The following CDH13 variants were observed in gnomAD, a reference collection of about 807,000 sequenced individuals.
The protein encoded by CDH13 is cadherin 13.
CDH13 carries 24 observed loss-of-function variants against 63.8 expected under a neutral mutation model. The observed-to-expected ratio is 0.38, with a 90% CI of 0.27 to 0.53. CDH13 has a LOEUF of 0.53. Ranked by LOEUF, CDH13 falls within the 20% of genes least tolerant of loss-of-function variation. CDH13 has a pLI of 0.85. For synonymous variants in CDH13, 503 were observed against 355.3 expected, an observed-to-expected ratio of 1.42 and a Z score of -4.67; for missense variants, 1,049 against 903.1, an observed-to-expected ratio of 1.16 and a Z score of -2.07.
chr16:82,948,661 C>G (rs565508177), intron 2 of CDH13, among the ~76,000 whole-genome samples: 3 of 152,174 alleles, frequency 2.0e-5, no homozygotes, highest in South Asian at 2.1e-4. Flanking sequence ...AATGCAAACT[C>G]TGCTACTAGT....
At chr16:83,400,864 C>A (rs547975405) in intron 6 of CDH13, among the ~76,000 whole-genome samples, 1 of 152,222 alleles carries the variant, frequency 6.6e-6, no homozygotes, top group East Asian at 1.9e-4. Context: ...AAAATTCGGT[C>A]CTGTAAGCCA....
At chr16:83,005,434 C>T (rs1025113312) in intron 2 of CDH13, among the ~76,000 whole-genome samples, 7 of 152,162 alleles carry the variant, frequency 4.6e-5, no homozygotes, top group East Asian at 1.9e-4. Context: ...GCTGCAGGCA[C>T]GGTACTTCCA....
At chr16:83,531,903 C>G (rs770980779) in intron 7 of CDH13, among the ~76,000 whole-genome samples, 1 of 152,130 alleles carries the variant, frequency 6.6e-6, no homozygotes, top group Non-Finnish European at 1.5e-5. Flanking sequence ...TCACAAGAAG[C>G]TCTGATATGG....
intron 3 of CDH13, among the ~76,000 whole-genome samples, chr16:83,041,654 T>C (rs1315487119): frequency 6.6e-6 from 1 of 152,106 alleles, no homozygotes; most frequent in Non-Finnish European, 1.5e-5. Context: ...ACACATACAT[T>C]CATGGGGATA....
At chr16:82,728,093 T>G (rs1567472222) in intron 1 of CDH13, among the ~76,000 whole-genome samples, 1 of 152,152 alleles carries the variant, frequency 6.6e-6, no homozygotes, top group African/African-American at 2.4e-5. Context: ...AATACCTTAT[T>G]TATAGGGCTG....
intron 5 of CDH13, among the ~76,000 whole-genome samples, chr16:83,343,716 T>C (rs1235366554): frequency 6.6e-6 from 1 of 152,214 alleles, no homozygotes; most frequent in Non-Finnish European, 1.5e-5. Flanking sequence ...ACATATTATA[T>C]GATAGACCAT....
Position 83,104,624 on chromosome 16 carries a change from C to T in CDH13, c.367-20761C>T, listed in dbSNP as rs532414550. The stretch of plus-strand genomic sequence containing the variant: ...AAAGAAGAAATGTACCAGGCGGTGG[C>T]GGGGGTGGGCGGGGGAAATAGTGTA... On this transcript the variant is annotated intron_variant, in intron 3 of 13. Coordinates refer to ENST00000567109, the MANE Select transcript of CDH13 (RefSeq NM_001257.5). Among the ~76,000 whole-genome samples the T allele has an allele frequency of 2.2e-3, 162 of 74,352 alleles. 1 individual carries two copies. The South Asian group carries it at 0.022, about 10-fold the overall frequency. 48.8% of individuals were successfully genotyped at this position (74,352 alleles called of 152,430 possible).
intron 5 of CDH13, among the ~76,000 whole-genome samples, chr16:83,340,031 A>C (rs998627874): frequency 6.6e-6 from 1 of 152,100 alleles, no homozygotes; most frequent in Admixed American, 6.6e-5. Flanking sequence ...ACTCATCACC[A>C]TTCTCTGTGA....
chr16:83,520,821 G>A (rs1033647427), intron 7 of CDH13, among the ~76,000 whole-genome samples: 1 of 152,096 alleles, frequency 6.6e-6, no homozygotes, highest in East Asian at 1.9e-4. Flanking sequence ...CCAGGGACAG[G>A]CACAGGATCC....
chr16:82,874,333 G>T (rs1467541135), intron 2 of CDH13, among the ~76,000 whole-genome samples: 3 of 152,060 alleles, frequency 2.0e-5, no homozygotes, highest in Admixed American at 6.5e-5. Flanking sequence ...AAGATGTTGA[G>T]TTGGCGTCTT....
chr16:82,990,178 C>A (rs1361417984), intron 2 of CDH13: 1 of 152,186 alleles, frequency 6.6e-6, no homozygotes, highest in East Asian at 1.9e-4. Flanking sequence ...AGAGAGCCAA[C>A]TGCCAATCAT....
chr16:82,993,082 C>T (rs752522749), intron 2 of CDH13, among the ~76,000 whole-genome samples: 49 of 152,306 alleles, frequency 3.2e-4, no homozygotes, highest in East Asian at 1.9e-4. Flanking sequence ...GCCCTATCTT[C>T]TGATTCCACC....
intron 6 of CDH13, among the ~76,000 whole-genome samples, chr16:83,350,495 T>C (rs985893903): frequency 3.3e-5 from 5 of 152,322 alleles, no homozygotes; most frequent in African/African-American, 1.2e-4. Context: ...TACGTCCTCA[T>C]TGTCTAACTT....
At chr16:83,134,846 C>T (rs1346872991) in intron 4 of CDH13, among the ~76,000 whole-genome samples, 4 of 152,178 alleles carry the variant, frequency 2.6e-5, no homozygotes, top group South Asian at 4.1e-4. Flanking sequence ...CAAAACTTCC[C>T]TCCATGATCT....
At chr16:83,360,025 C>T (rs1364647173) in intron 6 of CDH13, among the ~76,000 whole-genome samples, 1 of 152,202 alleles carries the variant, frequency 6.6e-6, no homozygotes, top group African/African-American at 2.4e-5. Context: ...AGAGAGAGTA[C>T]ATAGTACGTG....
chr16:82,953,845 A>T (rs1905650184), intron 2 of CDH13: 1 of 152,216 alleles, frequency 6.6e-6, no homozygotes, highest in Admixed American at 6.5e-5. Flanking sequence ...TAGTAATAAC[A>T]ACGACAATAA....
chr16:83,614,526 G>C (rs191550145), intron 8 of CDH13, among the ~76,000 whole-genome samples: 59 of 152,276 alleles, frequency 3.9e-4, no homozygotes, highest in African/African-American at 1.4e-3. Flanking sequence ...AAGTTCTATG[G>C]AATATTGGCC....
chr16:83,626,204 CG>C (rs1910284933), intron 8 of CDH13, among the ~76,000 whole-genome samples: 1 of 152,038 alleles, frequency 6.6e-6, no homozygotes, highest in African/African-American at 2.4e-5. Flanking sequence ...CTGATTTTGC[CG>C]TACCGCGTGT....
chr16:83,708,133 AC>A (rs1236521466), intron 10 of CDH13, among the ~76,000 whole-genome samples: 14 of 152,190 alleles, frequency 9.2e-5, no homozygotes, highest in Non-Finnish European at 1.9e-4. Flanking sequence ...TGCAAGACTC[AC>A]CACCCATAGA....
Sources: gnomAD v4.1 joint callset for allele counts (sites outside exome capture counted in the v4.1 genomes callset) on GRCh38, gnomAD v4.1.1 for gene constraint, MANE v1.5 for transcripts, NCBI Gene and HGNC (gene_info 2026-07-23, HGNC 2026-07-21) for gene names.